Variants in SLC24A2 observed in about 807,000 individuals in gnomAD.
SLC24A2 encodes the protein sodium/potassium/calcium exchanger 2.
SLC24A2 carries 36 observed loss-of-function variants against 62.0 expected under a neutral mutation model. That is an observed-to-expected ratio of 0.58 (90% CI 0.44 to 0.77). SLC24A2 has a LOEUF of 0.77. SLC24A2 is among the 30% of genes least tolerant of loss of function. SLC24A2 has a pLI of 0.00. For missense variants in SLC24A2, 846 were observed against 817.9 expected (o/e 1.03, Z -0.42); for synonymous variants, 358 against 294.0 (o/e 1.22, Z -2.23).
chr9:19,829,812 C>T, the SLC24A2 span, among the ~76,000 whole-genome samples: 163 of 16,156 alleles, frequency 0.01, no homozygotes, highest in South Asian at 0.042. Flanking sequence ...TATATATATA[C>T]ACACACACAC....
intron 2 of SLC24A2, among the ~76,000 whole-genome samples, chr9:19,723,167 G>C (rs1225127034): frequency 6.6e-6 from 1 of 152,070 alleles, no homozygotes; most frequent in Non-Finnish European, 1.5e-5. Context: ...TTCAATGACA[G>C]ATGCCATTTT....
the SLC24A2 span, among the ~76,000 whole-genome samples, chr9:20,283,742 G>T: frequency 1.6e-5 from 2 of 122,714 alleles, no homozygotes; most frequent in Non-Finnish European, 3.3e-5. Flanking sequence ...GGAGAAAAGA[G>T]AAAAAAAAAG....
At chr9:20,298,007 T>G in the SLC24A2 span, among the ~76,000 whole-genome samples, 1 of 152,138 alleles carries the variant, frequency 6.6e-6, no homozygotes, top group African/African-American at 2.4e-5. Context: ...CAAGCACTGG[T>G]GGAGGCAAAC....
chr9:19,826,083 A>G, the SLC24A2 span, among the ~76,000 whole-genome samples: 3 of 151,616 alleles, frequency 2.0e-5, no homozygotes, highest in African/African-American at 7.3e-5. Flanking sequence ...GCCTGCTCTG[A>G]ATGCAATTAA....
At chr9:19,778,909 A>T (rs1427033269) in intron 2 of SLC24A2, among the ~76,000 whole-genome samples, 5 of 152,246 alleles carry the variant, frequency 3.3e-5, no homozygotes, top group Non-Finnish European at 5.9e-5. Flanking sequence ...GAGGAATAAA[A>T]GAGGCATTAA....
chr9:20,054,857 G>T, the SLC24A2 span, among the ~76,000 whole-genome samples: 1 of 152,194 alleles, frequency 6.6e-6, no homozygotes, highest in Non-Finnish European at 1.5e-5. Context: ...CAGCCACTCT[G>T]ATTAATGTTG....
At chr9:19,518,233 T>TA (rs1254800858) in intron 10 of SLC24A2, among the ~76,000 whole-genome samples, 1 of 152,100 alleles carries the variant, frequency 6.6e-6, no homozygotes, top group Non-Finnish European at 1.5e-5. Flanking sequence ...TATAGCTGTT[T>TA]AAAAAATCAC....
At chr9:19,951,761 GT>G in the SLC24A2 span, among the ~76,000 whole-genome samples, 1 of 152,004 alleles carries the variant, frequency 6.6e-6, no homozygotes, top group Non-Finnish European at 1.5e-5. Context: ...AAGAAATTAG[GT>G]AGTATAAATC....
chr9:19,956,334 T>C, the SLC24A2 span, among the ~76,000 whole-genome samples: 1 of 152,204 alleles, frequency 6.6e-6, no homozygotes, highest in African/African-American at 2.4e-5. Flanking sequence ...GCCTGGGTTT[T>C]GGAACAACTT....
At chr9:19,544,670 A>G (rs1048613153) in intron 8 of SLC24A2, among the ~76,000 whole-genome samples, 7 of 152,068 alleles carry the variant, frequency 4.6e-5, no homozygotes, top group African/African-American at 1.5e-4. Flanking sequence ...AAAGGAGTTT[A>G]TTTCTCCTTC....
intron 4 of SLC24A2, among the ~76,000 whole-genome samples, chr9:19,616,921 T>C (rs1245210290): frequency 6.6e-6 from 1 of 151,806 alleles, no homozygotes; most frequent in Non-Finnish European, 1.5e-5. Context: ...AAGGAAAATA[T>C]TATAGTGGAG....
At chr9:19,696,021 C>A (rs147316868) in intron 2 of SLC24A2, among the ~76,000 whole-genome samples, 1 of 152,258 alleles carries the variant, frequency 6.6e-6, no homozygotes, top group East Asian at 1.9e-4. Context: ...CCAGGCTGCA[C>A]AGCAGGAGGT....
At chr9:20,105,800 G>A in the SLC24A2 span, among the ~76,000 whole-genome samples, 2 of 151,954 alleles carry the variant, frequency 1.3e-5, no homozygotes, top group South Asian at 2.1e-4. Flanking sequence ...TAAAAAGCAA[G>A]AGCAAACACA....
chr9:20,089,008 T>C, the SLC24A2 span, among the ~76,000 whole-genome samples: 69 of 152,298 alleles, frequency 4.5e-4, no homozygotes, highest in Non-Finnish European at 8.4e-4. Context: ...CCTGATCCCA[T>C]AGCTTCTCAC....
intron 2 of SLC24A2, among the ~76,000 whole-genome samples, chr9:19,715,858 A>G (rs1422163978): frequency 1.3e-5 from 2 of 152,202 alleles, no homozygotes; most frequent in Admixed American, 6.5e-5. Flanking sequence ...TTGTTTTTCT[A>G]ATTTGCTCTT....
intron 5 of SLC24A2, among the ~76,000 whole-genome samples, chr9:19,590,658 T>G (rs1172160224): frequency 6.6e-6 from 1 of 152,186 alleles, no homozygotes; most frequent in Non-Finnish European, 1.5e-5. Context: ...GATGACTTTT[T>G]TTAGGTGAGC....
the SLC24A2 span, among the ~76,000 whole-genome samples, chr9:20,026,461 T>C: frequency 1.3e-5 from 2 of 152,182 alleles, no homozygotes; most frequent in Non-Finnish European, 2.9e-5. Context: ...CCTAGGACCA[T>C]TTGCAGATTC....
In SLC24A2 at chr9:19,685,585, AT is replaced by A. The variant is rs143928216; in HGVS notation, c.931-63287del. On this transcript the variant is annotated intron_variant, in intron 2 of 10. Coordinates refer to ENST00000341998, the MANE Select transcript of SLC24A2 (RefSeq NM_020344.4). The stretch of plus-strand genomic sequence containing the variant: ...CATAGATCTATGGACACATAGACCT[AT>A]GGAACACAATAGAGAACCCAGAAAT... Among the ~76,000 whole-genome samples, 299 of 152,220 alleles carry A rather than the reference AT, an allele frequency of 2.0e-3. 1 individual carries two copies. The highest frequency in any genetic ancestry group is 6.6e-3 in the African/African-American group (273 of 41,546).
chr9:20,000,611 A>G, the SLC24A2 span, among the ~76,000 whole-genome samples: 7 of 152,334 alleles, frequency 4.6e-5, no homozygotes, highest in African/African-American at 1.7e-4. Flanking sequence ...TCAGGAACTC[A>G]CGACACATGG....
Sources: allele counts gnomAD v4.1 joint callset (sites outside exome capture counted in the v4.1 genomes callset), GRCh38; gene constraint gnomAD v4.1.1; transcripts MANE v1.5; gene names NCBI Gene and HGNC (gene_info 2026-07-23, HGNC 2026-07-21).